Variants in PDP1 observed in about 807,000 individuals in gnomAD.
PDP1 encodes the protein pyruvate dehydrogenase phosphatase catalytic subunit 1, also known as pyruvate dehyrogenase phosphatase catalytic subunit 1.
Under a neutral mutation model 37.1 loss-of-function variants are expected in PDP1, and 14 were observed. The ratio of observed to expected loss-of-function variants is 0.38; its 90% CI spans 0.25 to 0.59. PDP1 has a LOEUF of 0.59. PDP1 is among the 20% of genes least tolerant of loss of function. The pLI is 0.67. For missense variants in PDP1, 544 were observed against 655.3 expected (o/e 0.83, Z 1.85); for synonymous variants, 251 against 243.3 (o/e 1.03, Z -0.29).
Position 93,925,472 on chromosome 8 carries a change from G to C in PDP1, c.*1799G>C, listed in dbSNP as rs535028389. The C allele has an allele frequency of 7.9e-4, 132 of 166,726 alleles. 2 individuals carry two copies. The highest frequency in any genetic ancestry group is 1.1e-3 in the Non-Finnish European group (78 of 68,094). 10.3% of individuals were successfully genotyped at this position (166,726 alleles called of 1,614,324 possible). A position where few individuals can be genotyped will look rare whatever the true frequency, so the allele number is the denominator to read the frequency against. The stretch of plus-strand genomic sequence containing the variant: ...ACTGCTCTAGCAAACCCTATTTTCA[G>C]CTACTATTTGAATATTCTTGAACAC... On this transcript the variant is annotated 3_prime_UTR_variant, in exon 2 of 2. Coordinates refer to ENST00000297598, the MANE Select transcript of PDP1 (RefSeq NM_018444.4).
At chr8:93,919,518 G>A (rs1810197047) in intron 1 of PDP1, among the ~76,000 whole-genome samples, 2 of 114,110 alleles carry the variant, frequency 1.8e-5, no homozygotes, top group Non-Finnish European at 3.3e-5. Context: ...GCAAAAAAAT[G>A]TCGAAGCAAA....
At chr8:93,921,071 CTT>C (rs34446897) in intron 1 of PDP1, 2,345 of 836,102 alleles carry the variant, frequency 2.8e-3, no homozygotes, top group African/African-American at 7.9e-3. Flanking sequence ...AATACTTAAA[CTT>C]TTTTTTTTTT....
At position 93,924,896 on chromosome 8, in the gene PDP1, T is replaced by C. The variant is rs1810391207; in HGVS notation, c.*1223T>C. ...ATGTTTGCAGCAGTCTCCATAATTATATTCAGTCCCTTCTAATACTGTATC... is the reference window on the plus strand; with the variant it reads ...ATGTTTGCAGCAGTCTCCATAATTACATTCAGTCCCTTCTAATACTGTATC... On this transcript the variant is annotated 3_prime_UTR_variant, in exon 2 of 2. Transcript: ENST00000297598. 1 of 167,088 alleles carries C rather than the reference T, an allele frequency of 6.0e-6. No individual in the cohort carries two copies. Among genetic ancestry groups the C allele is most frequent in the Non-Finnish European group, 1.5e-5 (1 of 68,132 alleles). The allele number at this position is 167,088 out of a possible 1,614,324, so 10.4% of individuals were successfully genotyped here.
At position 93,922,620 on chromosome 8, in the gene PDP1, A is replaced by G. The variant is rs1191340820; in HGVS notation, c.561A>G (p.Leu187=). The G allele has an allele frequency of 3.5e-5, 56 of 1,613,976 alleles. No individual in the cohort carries two copies. Among genetic ancestry groups the G allele is most frequent in the Non-Finnish European group, 4.7e-5 (56 of 1,180,016 alleles). ...CAGTGGAGAGCGGCCGGGCACTGCTACCCATTCTCCAGTGGCACAAGCACC... is the reference window on the plus strand; with the variant it reads ...CAGTGGAGAGCGGCCGGGCACTGCTGCCCATTCTCCAGTGGCACAAGCACC... ...ENAVESGRAL[L]PILQWHKHPN... The change falls in exon 2 of 2, where the codon CTA becomes CTG. Residue 187 remains leucine (L), a synonymous_variant. Coordinates refer to ENST00000297598, the MANE Select transcript of PDP1 (RefSeq NM_018444.4). This position sits in a 1 kb window ranked among gnomAD's most constrained non-coding sequence, Gnocchi z 4.0.
chr8:93,917,809 T>C (rs765793068), intron 1 of PDP1: 1 of 1,519,730 alleles, frequency 6.6e-7, no homozygotes, highest in South Asian at 1.1e-5. Flanking sequence ...CGCCGCCTCC[T>C]CTAATGAGCA....
Position 93,917,033 on chromosome 8 carries a change from C to T in PDP1, c.-91C>T. 2.1e-6 allele frequency: 1 copy of T among 477,156 alleles called. No homozygotes were observed. The highest frequency in any genetic ancestry group is 4.2e-6 in the Non-Finnish European group (1 of 240,892). 29.6% of individuals were successfully genotyped at this position (477,156 alleles called of 1,614,324 possible). On this transcript the variant is annotated 5_prime_UTR_variant, in exon 1 of 2. Coordinates refer to ENST00000297598, the MANE Select transcript of PDP1 (RefSeq NM_018444.4). The stretch of plus-strand genomic sequence containing the variant: ...GAGCGCCGAGCGGTGGCGTCGTTGT[C>T]GCCCCCTCCTCGTCGGGAAGAATCG...
rs935020452 is a variant in PDP1, at chr8:93,923,471, C to T, written c.1412C>T (p.Ser471Leu). Residue 471 changes from serine (S) to leucine (L), a missense_variant, in exon 2 of 2, where the codon TCG (serine) becomes TTG (leucine). Coordinates refer to ENST00000297598, the MANE Select transcript of PDP1 (RefSeq NM_018444.4). This position sits in a 1 kb window ranked among gnomAD's most constrained non-coding sequence, Gnocchi z 4.3. ...ACAGAAAGGAGAACCAAAATGTCCT[C>T]GGTATTTGAGGATCAGAACGCAGCA... ...LLTERRTKMSSVFEDQNAATH... is the reference protein window; with the variant it reads ...LLTERRTKMSLVFEDQNAATH... The T allele has an allele frequency of 2.3e-5, 36 of 1,599,132 alleles. No homozygotes were observed. The highest frequency in any genetic ancestry group is 1.2e-4 in the African/African-American group (9 of 74,384).
intron 1 of PDP1, 170 bp from the exon 2 acceptor site, chr8:93,921,846 A>G (rs1810282112): frequency 1.8e-6 from 1 of 554,366 alleles, no homozygotes; most frequent in African/African-American, 1.9e-5. Flanking sequence ...GCCTGCCAGA[A>G]TATACCCTGT....
In PDP1 at chr8:93,922,381, T is replaced by C; in HGVS notation, c.322T>C (p.Ser108Pro). ...AGAATTTGACGGCAAAAATGTCAGT[T>C]CTATCCTTGGATTTGACAGCAATCA... is the stretch of plus-strand genomic sequence containing the variant. ...VPEFDGKNVS[S>P]ILGFDSNQLP... is the part of the protein sequence containing the mutation. The change falls in exon 2 of 2, where the codon TCT becomes CCT. Residue 108 changes from serine (S) to proline (P), a missense_variant. Physicochemically the swap from Ser to Pro is moderately conservative, Grantham distance 74. Coordinates refer to ENST00000297598, the MANE Select transcript of PDP1 (RefSeq NM_018444.4). The surrounding 1 kb of genome is among the most constrained non-coding windows in gnomAD (Gnocchi z 4.0). The C allele has an allele frequency of 6.2e-7, 1 of 1,614,214 alleles. No individual in the cohort carries two copies. Among genetic ancestry groups the C allele is most frequent in the South Asian group, 1.1e-5 (1 of 91,084 alleles).
Position 93,922,370 on chromosome 8 carries a change from A to G in PDP1, c.311A>G (p.Lys104Arg). 2.5e-6 allele frequency: 4 copies of G among 1,614,246 alleles called. No individual in the cohort carries two copies. The highest frequency in any genetic ancestry group is 2.2e-5 in the East Asian group (1 of 44,896). ...TTCAAAGTGCCAGAATTTGACGGCAAAAATGTCAGTTCTATCCTTGGATTT... is the reference window on the plus strand; with the variant it reads ...TTCAAAGTGCCAGAATTTGACGGCAGAAATGTCAGTTCTATCCTTGGATTT... The part of the protein sequence containing the change: ...YSFKVPEFDG[K>R]NVSSILGFDS... The change falls in exon 2 of 2, where the codon AAA (lysine) becomes AGA (arginine). Residue 104 changes from lysine (K) to arginine (R), a missense_variant. This residue lies in a region of PDP1 where 342 missense variants were observed against 414.0 expected (regional missense o/e 0.83). Coordinates refer to ENST00000297598, the MANE Select transcript of PDP1 (RefSeq NM_018444.4). The surrounding 1 kb of genome is among the most constrained non-coding windows in gnomAD (Gnocchi z 4.0).
intron 1 of PDP1, chr8:93,919,058 TA>T: frequency 1.8e-6 from 1 of 562,856 alleles, no homozygotes; most frequent in Non-Finnish European, 2.3e-6. Flanking sequence ...ATAGAGTCAA[TA>T]AAATTCACTC....
intron 1 of PDP1, chr8:93,921,293 C>G: frequency 1.0e-6 from 1 of 985,110 alleles, no homozygotes; most frequent in South Asian, 4.7e-5. Flanking sequence ...TGGTGGCAGA[C>G]CTATGCCCGT....
At chr8:93,917,712 C>T (rs1810119638) in intron 1 of PDP1, 1 of 1,110,140 alleles carries the variant, frequency 9.0e-7, no homozygotes, top group Non-Finnish European at 1.3e-6. Flanking sequence ...CCCCTTTATC[C>T]CTCCTCCATC....
intron 1 of PDP1, chr8:93,917,903 G>T: frequency 6.2e-7 from 1 of 1,614,010 alleles, no homozygotes; most frequent in Non-Finnish European, 8.5e-7. Context: ...TCCGTGTTGT[G>T]ATGACAGGAG....
At chr8:93,921,686 A>C (rs1810276155) in intron 1 of PDP1, 2 of 207,992 alleles carry the variant, frequency 9.6e-6, no homozygotes, top group African/African-American at 4.6e-5. Flanking sequence ...ATGTTATATA[A>C]CCTTCATCTC....
At position 93,923,595 on chromosome 8, in the gene PDP1, A is replaced by G; in HGVS notation, c.1536A>G (p.Arg512=). ...TTAGTCTTCCTGAAGAGCTTGCTCG[A>G]ATGTACAGAGATGACATTACAATCA... ...KMLSLPEELA[R]MYRDDITIIV... The change falls in exon 2 of 2, where the codon CGA becomes CGG. Residue 512 remains arginine, a synonymous_variant. Transcript: ENST00000297598. The surrounding 1 kb of genome is among the most constrained non-coding windows in gnomAD (Gnocchi z 4.3). 4 of 1,614,136 alleles carry G rather than the reference A, an allele frequency of 2.5e-6. No individual in the cohort carries two copies. The highest frequency in any genetic ancestry group is 3.4e-6 in the Non-Finnish European group (4 of 1,179,958).
chr8:93,918,022 A>T (rs569469202), intron 1 of PDP1: 1 of 1,517,436 alleles, frequency 6.6e-7, no homozygotes, highest in Non-Finnish European at 9.1e-7. Flanking sequence ...ATGGTTTTAG[A>T]TGAATCAGCG....
rs757283913 is a variant in PDP1, at chr8:93,923,472, G to A, written c.1413G>A (p.Ser471=). ...LLTERRTKMS[S]VFEDQNAATH... Reference sequence around the variant, plus strand: ...CAGAAAGGAGAACCAAAATGTCCTCGGTATTTGAGGATCAGAACGCAGCAA... The same window carrying A: ...CAGAAAGGAGAACCAAAATGTCCTCAGTATTTGAGGATCAGAACGCAGCAA... Residue 471 remains serine (S), a synonymous_variant, in exon 2 of 2, where the codon TCG becomes TCA. Transcript: ENST00000297598. This position sits in a 1 kb window ranked among gnomAD's most constrained non-coding sequence, Gnocchi z 4.3. 1 of 1,599,504 alleles carries A rather than the reference G, an allele frequency of 6.3e-7. No individual in the cohort carries two copies. Among genetic ancestry groups the A allele is most frequent in the Non-Finnish European group, 8.5e-7 (1 of 1,170,028 alleles).
rs1205354976 is a variant in PDP1, at chr8:93,922,124, G to T, written c.65G>T (p.Gly22Val). The change falls in exon 2 of 2, where the codon GGC (glycine) becomes GTC (valine). Residue 22 changes from glycine (G) to valine (V), a missense_variant. This residue lies in a region of PDP1 where 342 missense variants were observed against 414.0 expected (regional missense o/e 0.83). Coordinates refer to ENST00000297598, the MANE Select transcript of PDP1 (RefSeq NM_018444.4). This position sits in a 1 kb window ranked among gnomAD's most constrained non-coding sequence, Gnocchi z 4.0. ...AACTGTGAACTGAGCAGGATCTATG[G>T]CACTGCATGTTACTGCCACCACAAA... is the stretch of plus-strand genomic sequence containing the variant. ...IRNCELSRIY[G>V]TACYCHHKHL... 1 of 1,613,876 alleles carries T rather than the reference G, an allele frequency of 6.2e-7. No homozygotes were observed. The highest frequency in any genetic ancestry group is 2.2e-5 in the East Asian group (1 of 44,888).
Sources: allele counts gnomAD v4.1 joint callset (sites outside exome capture counted in the v4.1 genomes callset), GRCh38; gene constraint gnomAD v4.1.1; regional missense constraint gnomAD v4.1.1; non-coding constraint Gnocchi (gnomAD v3.1); transcripts MANE v1.5; gene names NCBI Gene and HGNC (gene_info 2026-07-23, HGNC 2026-07-21).